ERC1: variants seen among roughly 807,000 people sequenced by gnomAD.
ERC1 encodes ELKS/RAB6-interacting/CAST family member 1.
A neutral mutation model predicts 132.0 loss-of-function variants in ERC1; 56 were observed. The observed-to-expected ratio is 0.42, with a 90% CI of 0.34 to 0.53. The LOEUF (loss-of-function observed/expected upper bound fraction) is 0.53, where lower values mean the gene tolerates loss of function less well. Among genes scored for constraint, ERC1 ranks in the 20% least tolerant of loss-of-function variants. ERC1 has a pLI of 0.03. For synonymous variants in ERC1, 478 were observed against 476.1 expected, an observed-to-expected ratio of 1.00 and a Z score of -0.05; for missense variants, 1,202 against 1,349.9, an observed-to-expected ratio of 0.89 and a Z score of 1.72.
intron 12 of ERC1, among the ~76,000 whole-genome samples, chr12:1,223,921 C>T (rs919263205): frequency 1.3e-5 from 2 of 152,034 alleles, no homozygotes; most frequent in Admixed American, 1.3e-4. Flanking sequence ...TGGCACCTCA[C>T]GATAGGAATT....
intron 2 of ERC1, among the ~76,000 whole-genome samples, chr12:1,043,948 CT>C (rs1437404482): frequency 6.6e-6 from 1 of 152,112 alleles, no homozygotes; most frequent in Non-Finnish European, 1.5e-5. Context: ...TAAATTCTTT[CT>C]TTTCATTTTT....
At chr12:1,277,224 A>G (rs1363799546) in intron 14 of ERC1, among the ~76,000 whole-genome samples, 4 of 152,250 alleles carry the variant, frequency 2.6e-5, no homozygotes, top group Non-Finnish European at 4.4e-5. Flanking sequence ...TGTAGCAGTG[A>G]GCCTTCCACT....
chr12:1,255,952 A>G (rs2076784564), intron 13 of ERC1, among the ~76,000 whole-genome samples: 1 of 151,958 alleles, frequency 6.6e-6, no homozygotes. Context: ...AACAGGTGTG[A>G]GATGGTATCT....
In ERC1 at chr12:1,104,076, CT is replaced by C. The variant is rs1351711553; in HGVS notation, c.1087-673del. ...TGAAGTGGTTTGGTAACCTGGAAGGCTCTGATATCCCTTCCTTCCTTTTCTA... is the reference window on the plus strand; with the variant it reads ...TGAAGTGGTTTGGTAACCTGGAAGGCCTGATATCCCTTCCTTCCTTTTCTA... On this transcript the variant is annotated intron_variant, in intron 3 of 18. Transcript: ENST00000360905. Among the ~76,000 whole-genome samples, 14 of 151,232 alleles carry C rather than the reference CT, an allele frequency of 9.3e-5. No individual in the cohort carries two copies. In the East Asian group the frequency reaches 1.9e-3, roughly 21 times the overall value.
intron 2 of ERC1, among the ~76,000 whole-genome samples, chr12:1,049,870 A>G (rs1228868742): frequency 6.7e-6 from 1 of 149,654 alleles, no homozygotes; most frequent in Non-Finnish European, 1.5e-5. Context: ...CTCCTGTCTC[A>G]GCCTCCTGAT....
At chr12:1,335,340 A>G (rs910114739) in intron 15 of ERC1, among the ~76,000 whole-genome samples, 2 of 152,130 alleles carry the variant, frequency 1.3e-5, no homozygotes, top group Admixed American at 1.3e-4. Flanking sequence ...GCTTTTGTTT[A>G]TTCAGTATGA....
chr12:1,211,679 C>T (rs979737463), intron 12 of ERC1, among the ~76,000 whole-genome samples: 3 of 152,116 alleles, frequency 2.0e-5, no homozygotes, highest in African/African-American at 7.2e-5. Flanking sequence ...TTTGCCTCAG[C>T]CTCTCTAGTA....
At chr12:1,337,885 G>C (rs962908587) in intron 15 of ERC1, among the ~76,000 whole-genome samples, 1 of 152,128 alleles carries the variant, frequency 6.6e-6, no homozygotes, top group Non-Finnish European at 1.5e-5. Flanking sequence ...TGGCTTGTAG[G>C]GTTTCTGCTG....
chr12:1,128,805 C>T (rs1948459475), intron 7 of ERC1, among the ~76,000 whole-genome samples: 1 of 152,004 alleles, frequency 6.6e-6, no homozygotes, highest in Non-Finnish European at 1.5e-5. Context: ...AAGATCAAAA[C>T]AGGATTTTAG....
At chr12:1,344,099 C>A (rs2084196543) in intron 15 of ERC1, among the ~76,000 whole-genome samples, 1 of 152,148 alleles carries the variant, frequency 6.6e-6, no homozygotes, top group Admixed American at 6.5e-5. Context: ...CTTCGGCCTC[C>A]CAAAGTGCTG....
At chr12:1,357,615 G>GT (rs2085668385) in intron 15 of ERC1, among the ~76,000 whole-genome samples, 1 of 152,164 alleles carries the variant, frequency 6.6e-6, no homozygotes, top group Non-Finnish European at 1.5e-5. Flanking sequence ...AACAACAGGT[G>GT]TACCTTAGTT....
At chr12:1,401,220 CACCGCGCCCA>C (rs1337482224) in intron 16 of ERC1, among the ~76,000 whole-genome samples, 1 of 151,908 alleles carries the variant, frequency 6.6e-6, no homozygotes, top group Non-Finnish European at 1.5e-5. Context: ...AGGCGTGAGC[CACCGCGCCCA>C]GCCCTATTTT....
In ERC1 at chr12:1,329,293, C is replaced by CAA. The variant is rs537261329; in HGVS notation, c.2780+39294_2780+39295dup. The stretch of plus-strand genomic sequence containing the variant: ...TGGGCGACAGAGCAAGACTCTGAAT[C>CAA]AAAAAAAAAAAAAAGAAAGAAAAGT... On this transcript the variant is annotated intron_variant, in intron 15 of 18. Transcript: ENST00000360905. Among the ~76,000 whole-genome samples the CAA allele has an allele frequency of 2.4e-5, 2 of 83,402 alleles. 1 individual carries two copies. Among genetic ancestry groups the CAA allele is most frequent in the East Asian group, 7.8e-4 (2 of 2,568 alleles). The allele number at this position is 83,402 out of a possible 152,430, so 54.7% of individuals were successfully genotyped here. A position where few individuals can be genotyped will look rare whatever the true frequency, so the allele number is the denominator to read the frequency against.
chr12:1,208,052 CTTT>C (rs1379437657), intron 12 of ERC1, among the ~76,000 whole-genome samples: 5 of 152,290 alleles, frequency 3.3e-5, no homozygotes, highest in African/African-American at 4.8e-5. Context: ...CTATCACCTT[CTTT>C]ATCTCACTTC....
intron 13 of ERC1, among the ~76,000 whole-genome samples, chr12:1,258,022 C>T (rs2076914051): frequency 6.6e-6 from 1 of 152,076 alleles, no homozygotes; most frequent in African/African-American, 2.4e-5. Context: ...CTAGTTGTTG[C>T]TAGTGGCTTC....
intron 2 of ERC1, among the ~76,000 whole-genome samples, chr12:1,076,006 C>T (rs955443059): frequency 2.0e-5 from 3 of 152,158 alleles, no homozygotes; most frequent in Non-Finnish European, 4.4e-5. Context: ...GAGTTTAGCT[C>T]ATAGTGATCT....
intron 15 of ERC1, among the ~76,000 whole-genome samples, chr12:1,304,850 C>T (rs1052585172): frequency 9.9e-5 from 12 of 121,346 alleles, no homozygotes; most frequent in South Asian, 5.7e-4. Flanking sequence ...AGTACAGTGG[C>T]GTGATCTCGG....
At chr12:1,185,343 A>G (rs2154274519) in intron 11 of ERC1, among the ~76,000 whole-genome samples, 1 of 152,170 alleles carries the variant, frequency 6.6e-6, no homozygotes, top group South Asian at 2.1e-4. Flanking sequence ...TTGAGTTATC[A>G]GAATTTTAAA....
rs368593092 is a variant in ERC1 at position 1,484,032 on chromosome 12, G to A, written c.3214-6061G>A. Among the ~76,000 whole-genome samples, 113 of 150,918 alleles carry A rather than the reference G, an allele frequency of 7.5e-4. 1 individual carries two copies. The highest frequency in any genetic ancestry group is 2.5e-3 in the African/African-American group (101 of 41,022). Reference sequence around the variant, plus strand: ...TAAAAAATCTTTGTTCCAGCCGGGCGTGGTGGCTCACGCCTGTAATCCCAG... The same window carrying A: ...TAAAAAATCTTTGTTCCAGCCGGGCATGGTGGCTCACGCCTGTAATCCCAG... On this transcript the variant is annotated intron_variant, in intron 18 of 18. Coordinates refer to ENST00000360905, the MANE Select transcript of ERC1 (RefSeq NM_178040.4).
Sources: allele counts gnomAD v4.1 joint callset (sites outside exome capture counted in the v4.1 genomes callset), GRCh38; gene constraint gnomAD v4.1.1; transcripts MANE v1.5; gene names NCBI Gene and HGNC (gene_info 2026-07-23, HGNC 2026-07-21).